The following ULK4 variants were observed in gnomAD, a reference collection of about 807,000 sequenced individuals.
ULK4 encodes the protein unc-51 like kinase 4.
Under a neutral mutation model 160.6 loss-of-function variants are expected in ULK4, and 133 were observed. The observed-to-expected ratio is 0.83, with a 90% CI of 0.72 to 0.96. The LOEUF is 0.96. Among genes scored for constraint, ULK4 ranks in the 40% least tolerant of loss-of-function variants. The pLI, the probability that ULK4 is intolerant of heterozygous loss-of-function variation, is 0.00. For missense variants in ULK4, 1,580 were observed against 1,499.5 expected (o/e 1.05, Z -0.89); for synonymous variants, 534 against 539.8 (o/e 0.99, Z 0.15).
In ULK4 at chr3:41,568,233, G is replaced by A. The variant is rs553257065; in HGVS notation, c.3121-2103C>T. On this transcript the variant is annotated intron_variant, in intron 31 of 36. Coordinates refer to ENST00000301831, the MANE Select transcript of ULK4 (RefSeq NM_017886.4). ...TAACAAATAATTATAAGACATGTTA[G>A]AAGGTGATATACACTATGAGACAAA... is the stretch of plus-strand genomic sequence containing the variant. Among the ~76,000 whole-genome samples the A allele has an allele frequency of 2.6e-5, 4 of 152,328 alleles. No individual in the cohort carries two copies. The East Asian group carries it at 7.7e-4, about 29-fold the overall frequency.
intron 5 of ULK4, among the ~76,000 whole-genome samples, chr3:41,925,605 G>A (rs1201939692): frequency 2.0e-5 from 3 of 152,168 alleles, no homozygotes; most frequent in African/African-American, 7.2e-5. Flanking sequence ...ACATGGTCAG[G>A]CTCAGCGGGT....
chr3:41,574,828 G>A (rs1030353678), intron 31 of ULK4, among the ~76,000 whole-genome samples: 2 of 152,140 alleles, frequency 1.3e-5, no homozygotes, highest in African/African-American at 4.8e-5. Context: ...TTACAGGCGT[G>A]AGCCACTGCG....
intron 29 of ULK4, 23 bp downstream of exon 29, chr3:41,681,485 G>C (rs113228968): frequency 6.2e-7 from 1 of 1,613,086 alleles, no homozygotes; most frequent in Admixed American, 1.7e-5. Flanking sequence ...TTCTCTGCAT[G>C]AATACAACTG....
Position 41,482,033 on chromosome 3 carries a change from G to C in ULK4, c.3227-18780C>G, listed in dbSNP as rs1228656915. Among the ~76,000 whole-genome samples, 7 of 151,902 alleles carry C rather than the reference G, an allele frequency of 4.6e-5. No individual in the cohort carries two copies. The East Asian group carries it at 7.7e-4, about 17-fold the overall frequency. Reference sequence around the variant, plus strand: ...TGGGTGCGTTCCTCCTCTTACTTTTGGGAATGTCCTACTTCGCCTATGAAG... The same window carrying C: ...TGGGTGCGTTCCTCCTCTTACTTTTCGGAATGTCCTACTTCGCCTATGAAG... On this transcript the variant is annotated intron_variant, in intron 32 of 36. Transcript: ENST00000301831.
intron 30 of ULK4, among the ~76,000 whole-genome samples, chr3:41,660,212 T>C (rs557781878): frequency 2.0e-5 from 3 of 152,152 alleles, no homozygotes; most frequent in African/African-American, 7.2e-5. Context: ...GGAGAATAGC[T>C]TGAACCCAGG....
At chr3:41,651,540 G>A (rs930983162) in intron 30 of ULK4, among the ~76,000 whole-genome samples, 3 of 152,208 alleles carry the variant, frequency 2.0e-5, no homozygotes, top group Non-Finnish European at 2.9e-5. Context: ...AATATAACTA[G>A]TTGTGAAGTG....
intron 32 of ULK4, among the ~76,000 whole-genome samples, chr3:41,497,040 C>A (rs2085017225): frequency 1.4e-5 from 2 of 142,656 alleles, no homozygotes; most frequent in African/African-American, 2.5e-5. Flanking sequence ...AACCCATAAC[C>A]AAAAAAAAAA....
At chr3:41,644,319 G>A (rs2034377159) in intron 30 of ULK4, among the ~76,000 whole-genome samples, 1 of 151,668 alleles carries the variant, frequency 6.6e-6, no homozygotes, top group Non-Finnish European at 1.5e-5. Context: ...GTATGATATT[G>A]GCTGTGGGTT....
chr3:41,581,232 C>T (rs933378775), intron 31 of ULK4, among the ~76,000 whole-genome samples: 1 of 152,154 alleles, frequency 6.6e-6, no homozygotes, highest in Non-Finnish European at 1.5e-5. Context: ...CCAACTTCAT[C>T]ACACAAATAT....
rs188614723 is a variant in ULK4 at position 41,947,583 on chromosome 3, T to C, written c.138+7039A>G. ...ATAGATCAGGATGATACTGACATCA[T>C]AGGCAATTGTGAGAAGTGAATGCAC... On this transcript the variant is annotated intron_variant, in intron 2 of 36. Coordinates refer to ENST00000301831, the MANE Select transcript of ULK4 (RefSeq NM_017886.4). Among the ~76,000 whole-genome samples, 140 of 152,280 alleles carry C rather than the reference T, an allele frequency of 9.2e-4. 2 individuals are homozygous for C. The highest frequency in any genetic ancestry group is 3.3e-3 in the African/African-American group (138 of 41,542).
chr3:41,649,344 C>T (rs973627720), intron 30 of ULK4, among the ~76,000 whole-genome samples: 1 of 152,098 alleles, frequency 6.6e-6, no homozygotes, highest in African/African-American at 2.4e-5. Flanking sequence ...CAGGCAGGAG[C>T]CCCACCCCCT....
chr3:41,592,435 G>C (rs2031406351), intron 31 of ULK4, among the ~76,000 whole-genome samples: 1 of 152,122 alleles, frequency 6.6e-6, no homozygotes. Flanking sequence ...AAAGGGGTGA[G>C]GGATACAAGA....
intron 22 of ULK4, among the ~76,000 whole-genome samples, chr3:41,730,238 A>G (rs2037779376): frequency 6.6e-6 from 1 of 152,188 alleles, no homozygotes; most frequent in African/African-American, 2.4e-5. Flanking sequence ...AAGGAACTAG[A>G]AAAACAACAA....
intron 32 of ULK4, among the ~76,000 whole-genome samples, chr3:41,499,980 G>A (rs956991469): frequency 1.3e-5 from 2 of 152,048 alleles, no homozygotes; most frequent in African/African-American, 2.4e-5. Flanking sequence ...TATTTCCAGA[G>A]TATTCCTTTA....
chr3:41,397,296 GAA>G (rs892837852), intron 35 of ULK4, among the ~76,000 whole-genome samples: 9 of 152,262 alleles, frequency 5.9e-5, no homozygotes, highest in African/African-American at 1.9e-4. Flanking sequence ...AAGCAGAAGG[GAA>G]AGTTTTTCCT....
At chr3:41,464,154 A>G (rs1051587020) in intron 32 of ULK4, among the ~76,000 whole-genome samples, 1 of 152,176 alleles carries the variant, frequency 6.6e-6, no homozygotes, top group Admixed American at 6.6e-5. Flanking sequence ...CATCAATTGA[A>G]TGGAAACTCA....
intron 4 of ULK4, 131 bp from the exon 5 acceptor site, chr3:41,932,137 C>T: frequency 1.3e-6 from 1 of 749,964 alleles, no homozygotes. Context: ...AAAATAAATG[C>T]TTATAATTTT....
chr3:41,564,271 A>T (rs1272487344), intron 32 of ULK4, among the ~76,000 whole-genome samples: 1 of 151,914 alleles, frequency 6.6e-6, no homozygotes, highest in Non-Finnish European at 1.5e-5. Context: ...CCAGAGGGGT[A>T]CCTGCTTGTA....
At chr3:41,513,932 A>G (rs2085667292) in intron 32 of ULK4, among the ~76,000 whole-genome samples, 1 of 152,160 alleles carries the variant, frequency 6.6e-6, no homozygotes, top group Non-Finnish European at 1.5e-5. Flanking sequence ...CATGTTACCA[A>G]GCACCACCTG....
Sources: gnomAD v4.1 joint callset for allele counts (sites outside exome capture counted in the v4.1 genomes callset) on GRCh38, gnomAD v4.1.1 for gene constraint, MANE v1.5 for transcripts, NCBI Gene and HGNC (gene_info 2026-07-23, HGNC 2026-07-21) for gene names.